GXYLT1: variants seen among roughly 807,000 people sequenced by gnomAD.
GXYLT1 encodes glycosyltransferase 8 domain containing 3.
In GXYLT1, 29 loss-of-function variants were observed where a neutral mutation model predicts 54.0. The ratio of observed to expected loss-of-function variants is 0.54; its 90% CI spans 0.40 to 0.73. The LOEUF (loss-of-function observed/expected upper bound fraction) is 0.73. Among genes scored for constraint, GXYLT1 ranks in the 30% least tolerant of loss-of-function variants. GXYLT1 has a pLI of 0.00. For synonymous variants in GXYLT1, 176 were observed against 204.1 expected, an observed-to-expected ratio of 0.86 and a Z score of 1.17; for missense variants, 490 against 553.4, an observed-to-expected ratio of 0.89 and a Z score of 1.15.
chr12:42,124,997 T>C (rs17090988), intron 2 of GXYLT1, among the ~76,000 whole-genome samples: 3,426 of 152,258 alleles, frequency 0.023, 126 homozygotes, highest in African/African-American at 0.079. Context: ...TAACACCATA[T>C]GGTATCAGCC....
At position 42,089,030 on chromosome 12, in the gene GXYLT1, C is replaced by A. The variant is rs540757347; in HGVS notation, c.1162-1083G>T. Among the ~76,000 whole-genome samples the A allele has an allele frequency of 6.3e-4, 95 of 151,870 alleles. 1 individual carries two copies. Among genetic ancestry groups the A allele is most frequent in the Non-Finnish European group, 7.4e-4 (50 of 67,940 alleles). ...ATCCTAAACTTTGGCATCTTTTGAGCAAGAAAAACTGTAAGCATTAACTGC... is the reference window on the plus strand; with the variant it reads ...ATCCTAAACTTTGGCATCTTTTGAGAAAGAAAAACTGTAAGCATTAACTGC... On this transcript the variant is annotated intron_variant, in intron 7 of 7. Coordinates refer to ENST00000398675, the MANE Select transcript of GXYLT1 (RefSeq NM_173601.2).
chr12:42,133,251 A>C (rs2065602696), intron 1 of GXYLT1, among the ~76,000 whole-genome samples: 1 of 152,098 alleles, frequency 6.6e-6, no homozygotes, highest in Admixed American at 6.6e-5. Context: ...GCACTCCAGC[A>C]TGGGTGACAG....
In GXYLT1 at chr12:42,083,935, T is replaced by C. The variant is rs568664272; in HGVS notation, c.*3851A>G. 6 of 152,006 alleles carry C rather than the reference T, an allele frequency of 3.9e-5. No homozygotes were observed. Among genetic ancestry groups the C allele is most frequent in the Admixed American group, 1.3e-4 (2 of 15,236 alleles). The allele number at this position is 152,006 out of a possible 1,614,324, so 9.4% of individuals were successfully genotyped here. On this transcript the variant is annotated 3_prime_UTR_variant, in exon 8 of 8. Coordinates refer to ENST00000398675, the MANE Select transcript of GXYLT1 (RefSeq NM_173601.2). ...AAAACAATAAAGTTAAAAAGGAAGA[T>C]ACTTGTATTTCCACAGGTCCTAGCT...
chr12:42,138,962 C>T (rs1435665048), intron 1 of GXYLT1, among the ~76,000 whole-genome samples: 1 of 151,670 alleles, frequency 6.6e-6, no homozygotes, highest in Admixed American at 6.6e-5. Context: ...TGCTTGAACC[C>T]GGGAGGCGGA....
intron 7 of GXYLT1, among the ~76,000 whole-genome samples, chr12:42,095,629 G>A (rs2065351450): frequency 6.6e-6 from 1 of 152,080 alleles, no homozygotes; most frequent in African/African-American, 2.4e-5. Context: ...AGAGGTAGGG[G>A]GCAGTTAGGA....
chr12:42,137,170 C>A (rs1048724958), intron 1 of GXYLT1, among the ~76,000 whole-genome samples: 1 of 152,104 alleles, frequency 6.6e-6, no homozygotes, highest in East Asian at 1.9e-4. Context: ...GTCAGTGATA[C>A]GAGATGAGCC....
rs1322974722 is a variant in GXYLT1 at position 42,082,357 on chromosome 12, T to C, written c.*5429A>G. 6.6e-6 allele frequency: 1 copy of C among 152,186 alleles called. No homozygotes were observed. The highest frequency in any genetic ancestry group is 1.5e-5 in the Non-Finnish European group (1 of 68,032). The allele number at this position is 152,186 out of a possible 1,614,324, so 9.4% of individuals were successfully genotyped here. A position where few individuals can be genotyped will look rare whatever the true frequency, so the allele number is the denominator to read the frequency against. ...CGTGCTCTGCTAAGTTTTGAACAGA[T>C]AACATATTCTACAGCAATGCTCAAG... On this transcript the variant is annotated 3_prime_UTR_variant, in exon 8 of 8. Coordinates refer to ENST00000398675, the MANE Select transcript of GXYLT1 (RefSeq NM_173601.2).
intron 1 of GXYLT1, among the ~76,000 whole-genome samples, chr12:42,141,391 C>T (rs2065651663): frequency 1.3e-5 from 2 of 152,044 alleles, no homozygotes; most frequent in South Asian, 2.1e-4. Context: ...ATATGTTTTG[C>T]TTGAGATAGT....
In GXYLT1 at chr12:42,085,376, C is replaced by T. The variant is rs78915499; in HGVS notation, c.*2410G>A. The T allele has an allele frequency of 0.078, 7,836 of 100,934 alleles. No homozygotes were observed. Among genetic ancestry groups the T allele is most frequent in the African/African-American group, 0.08 (2,223 of 27,916 alleles). The allele number at this position is 100,934 out of a possible 1,614,324, so 6.3% of individuals were successfully genotyped here. On this transcript the variant is annotated 3_prime_UTR_variant, in exon 8 of 8. Coordinates refer to ENST00000398675, the MANE Select transcript of GXYLT1 (RefSeq NM_173601.2). ...GTCCAGTTGGATTAAACTGTGACCA[C>T]GCTCTACACAAGTCCCAATCAATTA... is the stretch of plus-strand genomic sequence containing the variant.
rs1054180694 is a variant in GXYLT1, at chr12:42,084,384, C to T, written c.*3402G>A. On this transcript the variant is annotated 3_prime_UTR_variant, in exon 8 of 8. Transcript: ENST00000398675. Reference sequence around the variant, plus strand: ...TCTCTTCCTGAAAAACTCTTCCTTACATAAACAAATTCATACTGGAGATAT... The same window carrying T: ...TCTCTTCCTGAAAAACTCTTCCTTATATAAACAAATTCATACTGGAGATAT... 2.3e-4 allele frequency: 8 copies of T among 34,272 alleles called. No individual in the cohort carries two copies. The highest frequency in any genetic ancestry group is 7.4e-4 in the African/African-American group (7 of 9,458). The allele number at this position is 34,272 out of a possible 1,614,324, so 2.1% of individuals were successfully genotyped here. A position where few individuals can be genotyped will look rare whatever the true frequency, so the allele number is the denominator to read the frequency against.
intron 3 of GXYLT1, among the ~76,000 whole-genome samples, chr12:42,115,671 G>C (rs2065489677): frequency 6.6e-6 from 1 of 151,894 alleles, no homozygotes; most frequent in African/African-American, 2.4e-5. Context: ...CTCATGGGTA[G>C]GAAGAATCAA....
Position 42,084,190 on chromosome 12 carries a change from T to G in GXYLT1, c.*3596A>C, listed in dbSNP as rs971367993. The G allele has an allele frequency of 1.3e-5, 2 of 152,448 alleles. No individual in the cohort carries two copies. The highest frequency in any genetic ancestry group is 2.9e-5 in the Non-Finnish European group (2 of 68,178). The allele number at this position is 152,448 out of a possible 1,614,324, so 9.4% of individuals were successfully genotyped here. On this transcript the variant is annotated 3_prime_UTR_variant, in exon 8 of 8. Coordinates refer to ENST00000398675, the MANE Select transcript of GXYLT1 (RefSeq NM_173601.2). The stretch of plus-strand genomic sequence containing the variant: ...CAAAAAGTAAATGTTTCCACACCAT[T>G]TCTCTCCATCTCTACTTCTCAATTT...
intron 2 of GXYLT1, among the ~76,000 whole-genome samples, chr12:42,128,589 C>A (rs1466910741): frequency 6.6e-6 from 1 of 152,166 alleles, no homozygotes; most frequent in Non-Finnish European, 1.5e-5. Flanking sequence ...GTGTGAAACT[C>A]CCATCAGAAC....
At position 42,141,976 on chromosome 12, in the gene GXYLT1, T is replaced by G. The variant is rs181400261; in HGVS notation, c.221+2450A>C. Among the ~76,000 whole-genome samples, 17 of 152,350 alleles carry G rather than the reference T, an allele frequency of 1.1e-4. 1 individual carries two copies. The East Asian group carries it at 2.3e-3, about 21-fold the overall frequency. ...AATTCTATACCATGAATAGTTTTTATAAGATCTGACCAATGGAACTTACTG... is the reference window on the plus strand; with the variant it reads ...AATTCTATACCATGAATAGTTTTTAGAAGATCTGACCAATGGAACTTACTG... On this transcript the variant is annotated intron_variant, in intron 1 of 7. Transcript: ENST00000398675.
intron 3 of GXYLT1, among the ~76,000 whole-genome samples, chr12:42,111,071 A>T (rs1286087163): frequency 2.6e-5 from 4 of 152,344 alleles, no homozygotes; most frequent in Admixed American, 6.5e-5. Flanking sequence ...GACTCCCAAA[A>T]TTGGCAGCAG....
chr12:42,127,866 T>A (rs1344222958), intron 2 of GXYLT1, among the ~76,000 whole-genome samples: 1 of 152,226 alleles, frequency 6.6e-6, no homozygotes, highest in South Asian at 2.1e-4. Flanking sequence ...AAAAGTTAAT[T>A]TTTAAAAGCT....
At chr12:42,124,425 C>A (rs756397948) in intron 2 of GXYLT1, among the ~76,000 whole-genome samples, 1 of 151,252 alleles carries the variant, frequency 6.6e-6, no homozygotes, top group Non-Finnish European at 1.5e-5. Flanking sequence ...ATGGCAAAAC[C>A]GAACATATTA....
At chr12:42,117,088 T>C (rs2065500423) in intron 3 of GXYLT1, among the ~76,000 whole-genome samples, 1 of 117,438 alleles carries the variant, frequency 8.5e-6, no homozygotes, top group Non-Finnish European at 1.6e-5. Context: ...TGAGAACACA[T>C]GGACACAGGA....
chr12:42,096,898 T>C (rs2065358851), intron 7 of GXYLT1, among the ~76,000 whole-genome samples: 1 of 152,006 alleles, frequency 6.6e-6, no homozygotes, highest in African/African-American at 2.4e-5. Flanking sequence ...TCACCACCTA[T>C]ACAGAATTCT....
Sources: gnomAD v4.1 joint callset for allele counts (sites outside exome capture counted in the v4.1 genomes callset) on GRCh38, gnomAD v4.1.1 for gene constraint, MANE v1.5 for transcripts, NCBI Gene and HGNC (gene_info 2026-07-23, HGNC 2026-07-21) for gene names.